Variants in ZNF451 observed in about 807,000 individuals in gnomAD.
ZNF451 encodes E3 SUMO-protein ligase ZNF451.
A neutral mutation model predicts 107.1 loss-of-function variants in ZNF451; 80 were observed. That is an observed-to-expected ratio of 0.75 (90% CI 0.62 to 0.90). The LOEUF is 0.90. ZNF451 is among the 40% of genes least tolerant of loss of function. The pLI is 0.00. For missense variants in ZNF451, 1,107 were observed against 1,236.2 expected (o/e 0.90, Z 1.57); for synonymous variants, 362 against 406.5 (o/e 0.89, Z 1.32).
rs965328480 is a variant in ZNF451 at position 57,128,839 on chromosome 6, A to G, written c.423A>G (p.Pro141=). 3 of 1,605,006 alleles carry G rather than the reference A, an allele frequency of 1.9e-6. No homozygotes were observed. The highest frequency in any genetic ancestry group is 8.5e-7 in the Non-Finnish European group (1 of 1,175,996). ...RLCVDQWLKM[P]GLKTGTINCG... is the part of the protein sequence containing the mutation. ...GTGTGGACCAGTGGCTAAAAATGCC[A>G]GGTATTCTTTAGAAATTACACTAAG... is the stretch of plus-strand genomic sequence containing the variant. Residue 141 remains proline (P), a splice_region_variant and synonymous_variant, in exon 5 of 15, where the codon CCA becomes CCG. Transcript: ENST00000370706.
At chr6:57,155,940 G>C (rs115105007) in intron 13 of ZNF451, among the ~76,000 whole-genome samples, 348 of 151,186 alleles carry the variant, frequency 2.3e-3, no homozygotes, top group African/African-American at 8.1e-3. Context: ...TGCACTGCAT[G>C]AAGAAGGATA....
rs191378360 is a variant in ZNF451 at position 57,167,601 on chromosome 6, C to T, written c.3140-822C>T. On this transcript the variant is annotated intron_variant, in intron 14 of 14. Transcript: ENST00000370706. ...TAGTGCCCCCAATCAGAGGAACATG[C>T]GGTTGCATCTTAGGGAGATCACTGG... 4.6e-5 allele frequency among the ~76,000 whole-genome samples: 7 copies of T among 152,196 alleles called. No homozygotes were observed. The South Asian group carries it at 6.2e-4, about 14-fold the overall frequency.
intron 3 of ZNF451, among the ~76,000 whole-genome samples, chr6:57,121,246 C>T (rs1484994318): frequency 6.6e-6 from 1 of 152,022 alleles, no homozygotes; most frequent in East Asian, 1.9e-4. Context: ...CTGTTTGTCC[C>T]TTCTTTTGAC....
At chr6:57,101,181 A>G (rs1323943733) in intron 3 of ZNF451, 10 of 1,550,722 alleles carry the variant, frequency 6.4e-6, no homozygotes, top group African/African-American at 1.4e-5. Flanking sequence ...ACCCCAGCCA[A>G]TCTAGTTTCA....
intron 3 of ZNF451, chr6:57,109,642 C>G: frequency 1.0e-6 from 1 of 985,254 alleles, no homozygotes. Flanking sequence ...ATCATGTTCC[C>G]CTTTATGATT....
Position 57,133,073 on chromosome 6 carries a change from A to G in ZNF451, c.456A>G (p.Thr152=). 1 of 1,614,152 alleles carries G rather than the reference A, an allele frequency of 6.2e-7. No individual in the cohort carries two copies. The highest frequency in any genetic ancestry group is 1.1e-5 in the South Asian group (1 of 91,080). Residue 152 remains threonine, a synonymous_variant, in exon 6 of 15, where the codon ACA becomes ACG. Coordinates refer to ENST00000370706, the MANE Select transcript of ZNF451 (RefSeq NM_001031623.3). The part of the protein sequence containing the change: ...GLKTGTINCG[T]KSSFRRGGHT... ...AAACAGGCACAATTAATTGTGGAAC[A>G]AAAAGTTCATTCCGAAGAGGAGGCC... is the stretch of plus-strand genomic sequence containing the variant.
intron 6 of ZNF451, 146 bp from the exon 7 acceptor site, chr6:57,134,598 T>C: frequency 1.6e-6 from 1 of 612,164 alleles, no homozygotes; most frequent in Non-Finnish European, 2.7e-6. Flanking sequence ...TTACTGTATA[T>C]GAAGAACATT....
At position 57,099,179 on chromosome 6, in the gene ZNF451, T is replaced by C. The variant is rs560460898; in HGVS notation, c.186+38T>C. The C allele has an allele frequency of 4.1e-5, 61 of 1,494,770 alleles. No homozygotes were observed. The South Asian group carries it at 5.9e-4, about 15-fold the overall frequency. The allele number at this position is 1,494,770 out of a possible 1,614,324, so 92.6% of individuals were successfully genotyped here. ...TATTTGATTTGTGTTTCTTCACTTG[T>C]GTCTTTTAAGAGGTATTCTCTAAAG... On this transcript the variant is annotated intron_variant, in intron 3 of 14. Coordinates refer to ENST00000370706, the MANE Select transcript of ZNF451 (RefSeq NM_001031623.3).
chr6:57,090,244 C>T lies in ZNF451; in HGVS notation c.-10C>T. The T allele has an allele frequency of 6.2e-7, 1 of 1,610,768 alleles. No individual in the cohort carries two copies. The highest frequency in any genetic ancestry group is 8.5e-7 in the Non-Finnish European group (1 of 1,179,170). On this transcript the variant is annotated 5_prime_UTR_variant, in exon 1 of 15. Coordinates refer to ENST00000370706, the MANE Select transcript of ZNF451 (RefSeq NM_001031623.3). The stretch of plus-strand genomic sequence containing the variant: ...GGAGCAGTGGTGCTGTCAGCGCGGC[C>T]GTCGGAGACATGGGAGACCCGGGGT...
At chr6:57,159,894 CTA>C (rs901467311) in intron 13 of ZNF451, among the ~76,000 whole-genome samples, 1 of 151,930 alleles carries the variant, frequency 6.6e-6, no homozygotes, top group Non-Finnish European at 1.5e-5. Flanking sequence ...ACAAATATGT[CTA>C]TATGATTTGT....
intron 3 of ZNF451, chr6:57,102,318 A>G (rs1052907348): frequency 4.1e-6 from 5 of 1,229,286 alleles, no homozygotes; most frequent in African/African-American, 1.6e-5. Flanking sequence ...CTTTCTTGAA[A>G]GGGTTGGACA....
At chr6:57,103,477 C>G (rs530590585) in intron 3 of ZNF451, 1 of 985,382 alleles carries the variant, frequency 1.0e-6, no homozygotes, top group South Asian at 4.7e-5. Context: ...CAGCAGATAC[C>G]TCAATTATAT....
At chr6:57,101,739 A>T (rs920147422) in intron 3 of ZNF451, 57 of 1,550,480 alleles carry the variant, frequency 3.7e-5, no homozygotes, top group Non-Finnish European at 4.8e-5. Context: ...CTAGGGACAT[A>T]ATGGACTCTG....
At chr6:57,142,349 A>AT (rs1476332755) in intron 9 of ZNF451, among the ~76,000 whole-genome samples, 1 of 152,220 alleles carries the variant, frequency 6.6e-6, no homozygotes, top group Admixed American at 6.5e-5. Context: ...TTCTGTAAGT[A>AT]TGAGTAGGAG....
chr6:57,157,228 TTAGAC>T (rs1763469754), intron 13 of ZNF451, among the ~76,000 whole-genome samples: 1 of 152,188 alleles, frequency 6.6e-6, no homozygotes. Flanking sequence ...GTGGTTTTTA[TTAGAC>T]TAAAGATTGC....
chr6:57,106,114 A>G (rs1400262849), intron 3 of ZNF451: 1 of 985,228 alleles, frequency 1.0e-6, no homozygotes, highest in Non-Finnish European at 1.2e-6. Flanking sequence ...ATAACCTCTC[A>G]GGTACTGTAA....
At chr6:57,163,669 C>A (rs1222118861) in intron 14 of ZNF451, among the ~76,000 whole-genome samples, 1 of 150,968 alleles carries the variant, frequency 6.6e-6, no homozygotes. Context: ...CCAGGATGGT[C>A]TCGATCTCCT....
chr6:57,124,672 G>T (rs1406626414), intron 3 of ZNF451, 62 bp from the exon 4 acceptor site: 2 of 1,191,394 alleles, frequency 1.7e-6, no homozygotes, highest in African/African-American at 3.1e-5. Flanking sequence ...TTTTATGAAT[G>T]GATGTATATT....
At chr6:57,160,444 C>G (rs1450578574) in intron 13 of ZNF451, among the ~76,000 whole-genome samples, 1 of 152,134 alleles carries the variant, frequency 6.6e-6, no homozygotes, top group Admixed American at 6.5e-5. Context: ...AGCGATCTTC[C>G]TACCTCAGCC....
Sources: gnomAD v4.1 joint callset for allele counts (sites outside exome capture counted in the v4.1 genomes callset) on GRCh38, gnomAD v4.1.1 for gene constraint, MANE v1.5 for transcripts, NCBI Gene and HGNC (gene_info 2026-07-23, HGNC 2026-07-21) for gene names.